AEN: variants seen among roughly 807,000 people sequenced by gnomAD.
AEN encodes apoptosis-enhancing nuclease.
Under a neutral mutation model 17.7 loss-of-function variants are expected in AEN, and 21 were observed. The ratio of observed to expected loss-of-function variants is 1.19; its 90% CI spans 0.84 to 1.71. AEN has a LOEUF of 1.71. Among genes scored for constraint, AEN ranks in the 40% most tolerant of loss-of-function variants. AEN has a pLI of 0.00. For synonymous variants in AEN, 190 were observed against 173.0 expected (o/e 1.10, Z -0.77); for missense variants, 462 against 435.9 (o/e 1.06, Z -0.53).
chr15:88,622,829 A>G (rs1049365828), intron 1 of AEN, among the ~76,000 whole-genome samples: 5 of 152,182 alleles, frequency 3.3e-5, no homozygotes, highest in Non-Finnish European at 5.9e-5. Flanking sequence ...TTCTTCTTAA[A>G]ACAGGTACTG....
the AEN span, among the ~76,000 whole-genome samples, chr15:88,606,359 A>C: frequency 6.6e-6 from 1 of 152,184 alleles, no homozygotes; most frequent in Non-Finnish European, 1.5e-5. Context: ...TCTAGGTCTC[A>C]AAACTCAAGC....
the AEN span, among the ~76,000 whole-genome samples, chr15:88,614,971 C>A: frequency 6.6e-6 from 1 of 152,170 alleles, no homozygotes; most frequent in Non-Finnish European, 1.5e-5. Flanking sequence ...TCACGCCATT[C>A]TACCGCCTCA....
upstream of AEN, among the ~76,000 whole-genome samples, chr15:88,620,708 C>G (rs775280030): frequency 1.2e-4 from 18 of 152,090 alleles, no homozygotes; most frequent in South Asian, 2.1e-4. Context: ...GCGCCCCGGC[C>G]TCATGTTGCA....
chr15:88,624,861 TAACGAG>T (rs2057831598), intron 1 of AEN, among the ~76,000 whole-genome samples: 2 of 139,610 alleles, frequency 1.4e-5, no homozygotes, highest in South Asian at 4.7e-4. Context: ...CTAGCCTGGG[TAACGAG>T]AACGAAACTC....
At position 88,626,325 on chromosome 15, in the gene AEN, G is replaced by T; in HGVS notation, c.116G>T (p.Arg39Leu). 6.2e-7 allele frequency: 1 copy of T among 1,613,668 alleles called. No individual in the cohort carries two copies. The part of the protein sequence containing the change: ...RHKRRSRQHQ[R>L]FMARKALLQE... The stretch of plus-strand genomic sequence containing the variant: ...AAGAGAAGGAGCCGACAGCACCAGC[G>T]GTTCATGGCCCGGAAGGCCTTGCTG... Residue 39 changes from arginine to leucine, a missense_variant, in exon 2 of 4, where the codon CGG becomes CTG. Coordinates refer to ENST00000332810, the MANE Select transcript of AEN (RefSeq NM_022767.4).
the AEN span, among the ~76,000 whole-genome samples, chr15:88,610,631 G>C: frequency 6.6e-6 from 1 of 152,016 alleles, no homozygotes; most frequent in African/African-American, 2.4e-5. Context: ...CACTCCTCCT[G>C]CTCCTGAGCG....
chr15:88,629,551 C>T, intron 3 of AEN, 125 bp downstream of exon 3: 1 of 1,191,756 alleles, frequency 8.4e-7, no homozygotes, highest in Non-Finnish European at 1.2e-6. Flanking sequence ...AGTCCAGGTC[C>T]AGGGACCTTG....
chr15:88,617,529 A>G (rs2057748068), upstream of AEN, among the ~76,000 whole-genome samples: 1 of 152,230 alleles, frequency 6.6e-6, no homozygotes, highest in African/African-American at 2.4e-5. Context: ...TTGGAATTAC[A>G]GGCGTGAGCC....
chr15:88,615,407 T>C, the AEN span, among the ~76,000 whole-genome samples: 2 of 152,054 alleles, frequency 1.3e-5, no homozygotes, highest in Non-Finnish European at 2.9e-5. Flanking sequence ...ACCTTAATTG[T>C]CTTGGTGCCA....
At chr15:88,607,756 A>G in the AEN span, among the ~76,000 whole-genome samples, 1 of 152,066 alleles carries the variant, frequency 6.6e-6, no homozygotes, top group African/African-American at 2.4e-5. Flanking sequence ...TAATATAAGA[A>G]TTTTTATTCA....
At chr15:88,608,923 C>CT in the AEN span, among the ~76,000 whole-genome samples, 1 of 152,154 alleles carries the variant, frequency 6.6e-6, no homozygotes, top group South Asian at 2.1e-4. Flanking sequence ...TTATTTTTCT[C>CT]TTTTTTCCTG....
chr15:88,611,433 T>TAAAA, the AEN span, among the ~76,000 whole-genome samples: 4 of 94,026 alleles, frequency 4.3e-5, no homozygotes, highest in South Asian at 3.7e-4. Context: ...TTGTCTTTAC[T>TAAAA]AAAAAAAAAA....
chr15:88,606,560 G>A, the AEN span, among the ~76,000 whole-genome samples: 1 of 145,116 alleles, frequency 6.9e-6, no homozygotes, highest in African/African-American at 2.6e-5. Flanking sequence ...GCACTAGCAT[G>A]CTTACCAGGC....
intron 1 of AEN, among the ~76,000 whole-genome samples, chr15:88,625,184 A>C (rs1226136130): frequency 1.3e-5 from 2 of 152,224 alleles, no homozygotes; most frequent in African/African-American, 2.4e-5. Context: ...AAATGTTTCT[A>C]GATGCTGTGG....
At chr15:88,617,669 C>T (rs140203318), upstream of AEN, among the ~76,000 whole-genome samples, 211 of 152,196 alleles carry the variant, frequency 1.4e-3, no homozygotes, top group African/African-American at 4.8e-3. Flanking sequence ...ACCTCAACCC[C>T]GTCTCTCGGG....
the AEN span, among the ~76,000 whole-genome samples, chr15:88,615,109 C>A: frequency 1.3e-5 from 2 of 152,104 alleles, no homozygotes; most frequent in African/African-American, 4.8e-5. Flanking sequence ...CGTGATCCGC[C>A]CACCTCGGCC....
the AEN span, among the ~76,000 whole-genome samples, chr15:88,611,155 G>T: frequency 1.2e-4 from 19 of 152,212 alleles, no homozygotes; most frequent in South Asian, 2.1e-4. Context: ...CTTCCAGAAG[G>T]GGGAGGCACC....
chr15:88,615,553 C>T, the AEN span, among the ~76,000 whole-genome samples: 1 of 152,160 alleles, frequency 6.6e-6, no homozygotes, highest in Non-Finnish European at 1.5e-5. Context: ...CTCTCCAACA[C>T]AATGGATCCT....
At chr15:88,610,977 A>G in the AEN span, among the ~76,000 whole-genome samples, 1 of 152,182 alleles carries the variant, frequency 6.6e-6, no homozygotes, top group Non-Finnish European at 1.5e-5. Flanking sequence ...CTGTGCCTGC[A>G]GGGAGGGGAT....
Sources: allele counts gnomAD v4.1 joint callset (sites outside exome capture counted in the v4.1 genomes callset), GRCh38; gene constraint gnomAD v4.1.1; transcripts MANE v1.5; gene names NCBI Gene and HGNC (gene_info 2026-07-23, HGNC 2026-07-21).